ZFPM2: variants seen among roughly 807,000 people sequenced by gnomAD.
ZFPM2 encodes the protein zinc finger protein ZFPM2.
A neutral mutation model predicts 98.6 loss-of-function variants in ZFPM2; 20 were observed. That is an observed-to-expected ratio of 0.20 (90% CI 0.14 to 0.29). The LOEUF (loss-of-function observed/expected upper bound fraction) is 0.29, where lower values mean the gene tolerates loss of function less well. Ranked by LOEUF, ZFPM2 falls within the 10% of genes least tolerant of loss-of-function variation. The pLI is 1.00. For synonymous variants in ZFPM2, 518 were observed against 502.7 expected (o/e 1.03, Z -0.41); for missense variants, 1,310 against 1,388.6 (o/e 0.94, Z 0.90).
At chr8:105,575,330 C>T (rs1474700772) in intron 4 of ZFPM2, among the ~76,000 whole-genome samples, 1 of 152,162 alleles carries the variant, frequency 6.6e-6, no homozygotes, top group Non-Finnish European at 1.5e-5. Context: ...TTGTATCACC[C>T]CCCTCCCTTT....
At chr8:105,532,338 A>G (rs1814314942) in intron 3 of ZFPM2, among the ~76,000 whole-genome samples, 1 of 152,188 alleles carries the variant, frequency 6.6e-6, no homozygotes, top group Non-Finnish European at 1.5e-5. Context: ...CCAGATTTTC[A>G]AATATCTCTA....
intron 5 of ZFPM2, among the ~76,000 whole-genome samples, chr8:105,665,340 C>G (rs762836885): frequency 3.9e-5 from 6 of 152,106 alleles, no homozygotes; most frequent in Non-Finnish European, 8.8e-5. Flanking sequence ...CATACTCAAA[C>G]TGTAGCATCT....
chr8:105,621,463 C>T (rs1264040833), intron 4 of ZFPM2, among the ~76,000 whole-genome samples: 1 of 152,122 alleles, frequency 6.6e-6, no homozygotes, highest in Non-Finnish European at 1.5e-5. Context: ...ACAATCATGT[C>T]ATCTGCAAAC....
intron 4 of ZFPM2, among the ~76,000 whole-genome samples, chr8:105,582,874 G>A (rs1395719924): frequency 6.6e-6 from 1 of 152,184 alleles, no homozygotes; most frequent in African/African-American, 2.4e-5. Context: ...GATTACAGGG[G>A]TGAGCCACCG....
chr8:105,596,116 AT>A (rs758684563), intron 4 of ZFPM2, among the ~76,000 whole-genome samples: 2 of 152,012 alleles, frequency 1.3e-5, no homozygotes, highest in Non-Finnish European at 2.9e-5. Context: ...CCCTGTTAAG[AT>A]TTATGGCAAA....
chr8:105,491,297 CAAT>C (rs1007282873), intron 3 of ZFPM2, among the ~76,000 whole-genome samples: 4 of 151,568 alleles, frequency 2.6e-5, no homozygotes, highest in African/African-American at 4.8e-5. Context: ...TTAAGAAGCA[CAAT>C]AATAATAATA....
chr8:105,763,323 A>G (rs1251262722), intron 5 of ZFPM2, among the ~76,000 whole-genome samples: 7 of 151,854 alleles, frequency 4.6e-5, no homozygotes, highest in Admixed American at 4.6e-4. Context: ...ATCTCCTTCC[A>G]GAATAACAGT....
intron 5 of ZFPM2, among the ~76,000 whole-genome samples, chr8:105,664,412 T>A (rs999192542): frequency 2.6e-5 from 4 of 151,212 alleles, no homozygotes; most frequent in Admixed American, 2.0e-4. Context: ...CTCAGCTCAC[T>A]GCAACCTCTG....
chr8:105,799,868 A>T (rs1319808101), intron 7 of ZFPM2, among the ~76,000 whole-genome samples: 1 of 152,166 alleles, frequency 6.6e-6, no homozygotes, highest in Non-Finnish European at 1.5e-5. Context: ...GTTGAGTTTT[A>T]AGCTACTGTT....
At chr8:105,500,752 A>G (rs982089947) in intron 3 of ZFPM2, among the ~76,000 whole-genome samples, 1 of 152,172 alleles carries the variant, frequency 6.6e-6, no homozygotes, top group African/African-American at 2.4e-5. Context: ...AACCCATAGA[A>G]GTGTTTGCAT....
chr8:105,656,780 A>G lies in ZFPM2; in HGVS notation c.532+22423A>G, dbSNP rs540410241. Among the ~76,000 whole-genome samples, 19 of 152,318 alleles carry G rather than the reference A, an allele frequency of 1.2e-4. No homozygotes were observed. The South Asian group carries it at 3.9e-3, about 32-fold the overall frequency. ...AGAAAAGAATACTGAAAAGTTTTAA[A>G]AGACTTTTATCTAGTGAACATCCCA... On this transcript the variant is annotated intron_variant, in intron 5 of 7. Coordinates refer to ENST00000407775, the MANE Select transcript of ZFPM2 (RefSeq NM_012082.4).
chr8:105,749,205 A>G (rs929423642), intron 5 of ZFPM2, among the ~76,000 whole-genome samples: 3 of 152,090 alleles, frequency 2.0e-5, no homozygotes, highest in African/African-American at 7.2e-5. Flanking sequence ...AGATGGTTTC[A>G]TCACTAAAAC....
intron 3 of ZFPM2, among the ~76,000 whole-genome samples, chr8:105,556,754 G>T (rs1346498491): frequency 1.6e-5 from 2 of 125,082 alleles, no homozygotes; most frequent in Non-Finnish European, 3.1e-5. Context: ...ACAGAGTCTT[G>T]CTCTGTCACC....
chr8:105,438,804 A>G (rs1328151144), intron 2 of ZFPM2, among the ~76,000 whole-genome samples: 8 of 152,184 alleles, frequency 5.3e-5, no homozygotes, highest in Non-Finnish European at 1.2e-4. Context: ...ATCTCATTGC[A>G]GTCAACATGA....
chr8:105,716,770 A>T (rs1305036581), intron 5 of ZFPM2, among the ~76,000 whole-genome samples: 1 of 151,926 alleles, frequency 6.6e-6, no homozygotes, highest in Admixed American at 6.6e-5. Flanking sequence ...CTGCAACCTT[A>T]CTCCTTCCTG....
chr8:105,616,729 C>T (rs1239045820), intron 4 of ZFPM2: 4 of 348,076 alleles, frequency 1.1e-5, no homozygotes, highest in African/African-American at 2.2e-5. Flanking sequence ...TCAAGATCCA[C>T]ACCATAGTTT....
chr8:105,379,717 C>T (rs570701242), intron 1 of ZFPM2, among the ~76,000 whole-genome samples: 33 of 149,014 alleles, frequency 2.2e-4, no homozygotes, highest in East Asian at 3.9e-4. Flanking sequence ...CACGCCATTG[C>T]GCTCCAGCCT....
At chr8:105,489,215 GCAAT>G (rs1813301228) in intron 3 of ZFPM2, among the ~76,000 whole-genome samples, 2 of 151,804 alleles carry the variant, frequency 1.3e-5, no homozygotes, top group South Asian at 2.1e-4. Context: ...CATATTTTCA[GCAAT>G]CAGTTAGAGA....
chr8:105,568,113 C>G (rs1226840729), intron 4 of ZFPM2, among the ~76,000 whole-genome samples: 3 of 152,048 alleles, frequency 2.0e-5, no homozygotes, highest in African/African-American at 7.3e-5. Context: ...GGGAGCTTAT[C>G]CACTTGCAAA....
Sources: gnomAD v4.1 joint callset for allele counts (sites outside exome capture counted in the v4.1 genomes callset) on GRCh38, gnomAD v4.1.1 for gene constraint, MANE v1.5 for transcripts, NCBI Gene and HGNC (gene_info 2026-07-23, HGNC 2026-07-21) for gene names.